THRB: variants seen among roughly 807,000 people sequenced by gnomAD.
THRB encodes thyroid hormone receptor beta, also known as nuclear receptor subfamily 1 group A member 2.
In THRB, 12 loss-of-function variants were observed where a neutral mutation model predicts 47.8. That is an observed-to-expected ratio of 0.25 (90% CI 0.16 to 0.41). The LOEUF (loss-of-function observed/expected upper bound fraction) is 0.41. Ranked by LOEUF, THRB falls within the 10% of genes least tolerant of loss-of-function variation. The probability of loss-of-function intolerance (pLI) is 1.00; values close to 1 mark genes in which losing one functional copy is unlikely to be tolerated. For synonymous variants in THRB, 218 were observed against 212.2 expected (o/e 1.03, Z -0.24); for missense variants, 348 against 589.2 (o/e 0.59, Z 4.24).
At chr3:24,158,726 G>A (rs188510687) in intron 5 of THRB, among the ~76,000 whole-genome samples, 4 of 152,280 alleles carry the variant, frequency 2.6e-5, no homozygotes, top group African/African-American at 7.2e-5. Context: ...CACTGCTCCC[G>A]GCCTGAGAAC....
intron 1 of THRB, among the ~76,000 whole-genome samples, chr3:24,378,472 T>G (rs2065455569): frequency 6.6e-6 from 1 of 152,156 alleles, no homozygotes; most frequent in South Asian, 2.1e-4. Context: ...TCTCTTAGCC[T>G]TGTGATCACG....
rs189101261 is a variant in THRB, at chr3:24,390,602, C to T, written c.-260-53231G>A. Among the ~76,000 whole-genome samples, 183 of 151,932 alleles carry T rather than the reference C, an allele frequency of 1.2e-3. 1 individual carries two copies. The highest frequency in any genetic ancestry group is 1.9e-3 in the Non-Finnish European group (129 of 67,954). ...TAACAACCAACTCTACTCTGTATGT[C>T]TCACAAGGAATCAGATAAGTCAACA... On this transcript the variant is annotated intron_variant, in intron 1 of 10. Transcript: ENST00000646209.
intron 4 of THRB, among the ~76,000 whole-genome samples, chr3:24,218,408 C>A (rs1576005969): frequency 8.1e-6 from 1 of 124,016 alleles, no homozygotes; most frequent in Non-Finnish European, 1.6e-5. Flanking sequence ...TTAGAAAATT[C>A]TAGCTAGGGT....
chr3:24,231,389 A>G (rs183803630), intron 3 of THRB, among the ~76,000 whole-genome samples: 63 of 150,458 alleles, frequency 4.2e-4, no homozygotes, highest in African/African-American at 1.4e-3. Flanking sequence ...CTAGGAATGG[A>G]AAAAATCTTA....
chr3:24,120,894 T>G lies in THRB; in HGVS notation c.*1990A>C, dbSNP rs1320230095. ...TCCTTTTTCCCAGAAGCCAGTACAA[T>G]TGCTTTCATGCATTGAATATTTAAT... On this transcript the variant is annotated 3_prime_UTR_variant, in exon 11 of 11. Transcript: ENST00000646209. 1 of 152,218 alleles carries G rather than the reference T, an allele frequency of 6.6e-6. No homozygotes were observed. Among genetic ancestry groups the G allele is most frequent in the Non-Finnish European group, 1.5e-5 (1 of 68,026 alleles). The allele number at this position is 152,218 out of a possible 1,614,324, so 9.4% of individuals were successfully genotyped here. A position where few individuals can be genotyped will look rare whatever the true frequency, so the allele number is the denominator to read the frequency against.
chr3:24,331,351 A>G (rs2061917135), intron 2 of THRB, among the ~76,000 whole-genome samples: 2 of 152,152 alleles, frequency 1.3e-5, no homozygotes, highest in South Asian at 4.1e-4. Context: ...ACAAAACTTA[A>G]CAACTATTTT....
chr3:24,262,964 A>T (rs2052230934), intron 3 of THRB, among the ~76,000 whole-genome samples: 1 of 152,160 alleles, frequency 6.6e-6, no homozygotes, highest in Non-Finnish European at 1.5e-5. Flanking sequence ...ATATTCTTTC[A>T]TCCAGTTTAG....
chr3:24,261,277 C>G (rs1215661920), intron 3 of THRB, among the ~76,000 whole-genome samples: 2 of 151,972 alleles, frequency 1.3e-5, no homozygotes, highest in East Asian at 3.9e-4. Flanking sequence ...CCGAGGCGGG[C>G]AGATCACGAG....
At chr3:24,287,591 A>G (rs921401464) in intron 3 of THRB, among the ~76,000 whole-genome samples, 2 of 152,180 alleles carry the variant, frequency 1.3e-5, no homozygotes, top group African/African-American at 4.8e-5. Context: ...GGTCAACTTG[A>G]AAGGGAGAGA....
intron 1 of THRB, among the ~76,000 whole-genome samples, chr3:24,354,810 A>C (rs1169571136): frequency 1.3e-5 from 2 of 152,174 alleles, no homozygotes. Flanking sequence ...CTTTCCATCC[A>C]TCCTCCAATG....
At chr3:24,179,536 C>A (rs772640337) in intron 5 of THRB, among the ~76,000 whole-genome samples, 1 of 152,068 alleles carries the variant, frequency 6.6e-6, no homozygotes, top group Non-Finnish European at 1.5e-5. Context: ...TTTGGTAAAC[C>A]TGAGATTAAT....
chr3:24,182,652 G>A (rs747563002), intron 5 of THRB, among the ~76,000 whole-genome samples: 1 of 152,220 alleles, frequency 6.6e-6, no homozygotes, highest in Non-Finnish European at 1.5e-5. Context: ...TGTGTCCCAT[G>A]AGATCATTTA....
At chr3:24,132,693 A>G (rs1268295362) in intron 9 of THRB, among the ~76,000 whole-genome samples, 1 of 152,240 alleles carries the variant, frequency 6.6e-6, no homozygotes, top group Non-Finnish European at 1.5e-5. Flanking sequence ...GGACAGCTCT[A>G]CAGGGTGCCC....
intron 3 of THRB, among the ~76,000 whole-genome samples, chr3:24,269,866 T>C (rs1000385663): frequency 2.0e-5 from 3 of 152,190 alleles, no homozygotes; most frequent in African/African-American, 7.2e-5. Flanking sequence ...ATTTTTAAAT[T>C]TTGACATGTA....
chr3:24,428,234 T>TA (rs1560162226), intron 1 of THRB, among the ~76,000 whole-genome samples: 2 of 152,048 alleles, frequency 1.3e-5, no homozygotes, highest in Admixed American at 6.6e-5. Flanking sequence ...AAACAAAATA[T>TA]TATTGAGTAC....
intron 7 of THRB, among the ~76,000 whole-genome samples, chr3:24,146,204 C>T (rs921965021): frequency 1.3e-5 from 2 of 152,182 alleles, no homozygotes; most frequent in African/African-American, 4.8e-5. Flanking sequence ...CTGCCAGCGC[C>T]CCATCTCCAA....
At chr3:24,281,052 G>A (rs1230651555) in intron 3 of THRB, among the ~76,000 whole-genome samples, 2 of 151,972 alleles carry the variant, frequency 1.3e-5, no homozygotes, top group South Asian at 2.1e-4. Context: ...ATCTAGCAAG[G>A]CAGGCCAACG....
intron 1 of THRB, among the ~76,000 whole-genome samples, chr3:24,490,843 T>A (rs73152115): frequency 1.3e-5 from 2 of 152,148 alleles, no homozygotes; most frequent in Non-Finnish European, 2.9e-5. Flanking sequence ...TCTCCACTGA[T>A]AGGCCATAGT....
chr3:24,398,799 T>G (rs1247281583), intron 1 of THRB, among the ~76,000 whole-genome samples: 5 of 152,122 alleles, frequency 3.3e-5, no homozygotes, highest in East Asian at 1.9e-4. Context: ...TGCGGCACTA[T>G]TCACAATAGC....
Sources: gnomAD v4.1 joint callset for allele counts (sites outside exome capture counted in the v4.1 genomes callset) on GRCh38, gnomAD v4.1.1 for gene constraint, MANE v1.5 for transcripts, NCBI Gene and HGNC (gene_info 2026-07-23, HGNC 2026-07-21) for gene names.